The following CYP4V2 variants were observed in gnomAD, a reference collection of about 807,000 sequenced individuals.
CYP4V2 encodes the protein cytochrome P450 family 4 subfamily V member 2.
A neutral mutation model predicts 60.8 loss-of-function variants in CYP4V2; 55 were observed. The ratio of observed to expected loss-of-function variants is 0.90; its 90% CI spans 0.73 to 1.13. The LOEUF (loss-of-function observed/expected upper bound fraction) is 1.13. Among genes scored for constraint, CYP4V2 ranks in the 50% most tolerant of loss-of-function variants. The probability of loss-of-function intolerance (pLI) is 0.00; values close to 1 mark genes in which losing one functional copy is unlikely to be tolerated. For missense variants in CYP4V2, 675 were observed against 662.9 expected, an observed-to-expected ratio of 1.02 and a Z score of -0.20; for synonymous variants, 239 against 236.8, an observed-to-expected ratio of 1.01 and a Z score of -0.08.
rs538822435 is a variant in CYP4V2, at chr4:186,195,659, C to G, written c.328-344C>G. Among the ~76,000 whole-genome samples, 12 of 152,244 alleles carry G rather than the reference C, an allele frequency of 7.9e-5. No homozygotes were observed. Among genetic ancestry groups the G allele is most frequent in the Admixed American group, 4.6e-4 (7 of 15,296 alleles). On this transcript the variant is annotated intron_variant, in intron 2 of 10. Coordinates refer to ENST00000378802, the MANE Select transcript of CYP4V2 (RefSeq NM_207352.4). The surrounding 1 kb of genome is among the most constrained non-coding windows in gnomAD (Gnocchi z 4.1). ...CTGAAAATACACCTATGATTTCCAT[C>G]TCCCCACATGTGCCCACCCTCCAGA...
chr4:186,191,687 G>A lies in CYP4V2; in HGVS notation c.-137G>A. ...CCCGGGCGGGAAACGTCGTTCCGGG[G>A]ACCGGGCGACCCCGCAGCGGGGAGC... On this transcript the variant is annotated 5_prime_UTR_variant, in exon 1 of 11. Transcript: ENST00000378802. 1 of 809,024 alleles carries A rather than the reference G, an allele frequency of 1.2e-6. No individual in the cohort carries two copies. The highest frequency in any genetic ancestry group is 1.6e-6 in the Non-Finnish European group (1 of 609,196). The allele number at this position is 809,024 out of a possible 1,614,324, so 50.1% of individuals were successfully genotyped here.
chr4:186,204,945 AAC>A (rs1736452198), intron 7 of CYP4V2: 1 of 526,940 alleles, frequency 1.9e-6, no homozygotes, highest in Non-Finnish European at 3.4e-6. Context: ...CGCCTTTATT[AAC>A]ACAGCACAGG....
intron 8 of CYP4V2, among the ~76,000 whole-genome samples, chr4:186,207,588 T>G (rs1736562228): frequency 1.7e-5 from 1 of 58,340 alleles, no homozygotes; most frequent in Admixed American, 1.8e-4. Context: ...AATTAATAAT[T>G]AATACTTTGC....
chr4:186,197,322 A>C (rs1347010663), intron 4 of CYP4V2, 192 bp downstream of exon 4: 1 of 854,392 alleles, frequency 1.2e-6, no homozygotes, highest in Non-Finnish European at 1.9e-6. Flanking sequence ...GCAGGCATGG[A>C]GCAACTGCCC....
intron 7 of CYP4V2, chr4:186,204,767 G>T (rs944775049): frequency 1.4e-5 from 4 of 287,472 alleles, no homozygotes; most frequent in Non-Finnish European, 2.7e-5. Context: ...TACTGCAGAG[G>T]ATATGACTTA....
chr4:186,203,141 C>T (rs1736374131), intron 7 of CYP4V2: 1 of 144,956 alleles, frequency 6.9e-6, no homozygotes, highest in Non-Finnish European at 1.5e-5. Context: ...AATACATGTA[C>T]ATATCCACGT....
intron 6 of CYP4V2, among the ~76,000 whole-genome samples, chr4:186,199,632 C>T (rs561650486): frequency 1.3e-5 from 2 of 152,208 alleles, no homozygotes; most frequent in East Asian, 1.9e-4. Flanking sequence ...TGTTTGGATT[C>T]GGCAGTCATT....
intron 8 of CYP4V2, among the ~76,000 whole-genome samples, chr4:186,208,083 A>G (rs1407549492): frequency 3.3e-3 from 325 of 99,838 alleles, no homozygotes; most frequent in Middle Eastern, 0.019. Context: ...TATTTGATGG[A>G]TATTTAGCAT....
At position 186,212,325 on chromosome 4, in the gene CYP4V2, T is replaced by C. The variant is rs1579980067; in HGVS notation, c.*1684T>C. On this transcript the variant is annotated 3_prime_UTR_variant, in exon 11 of 11. Coordinates refer to ENST00000378802, the MANE Select transcript of CYP4V2 (RefSeq NM_207352.4). ...AAAAAGGAAGCCATTCATCTATATT[T>C]AGTAACCCAGTAATATCTCACTTAG... 1 of 152,338 alleles carries C rather than the reference T, an allele frequency of 6.6e-6. No homozygotes were observed. The highest frequency in any genetic ancestry group is 1.5e-5 in the Non-Finnish European group (1 of 68,022). 9.4% of individuals were successfully genotyped at this position (152,338 alleles called of 1,614,324 possible). A position where few individuals can be genotyped will look rare whatever the true frequency, so the allele number is the denominator to read the frequency against.
intron 5 of CYP4V2, among the ~76,000 whole-genome samples, chr4:186,198,231 G>A (rs1396869159): frequency 2.0e-5 from 3 of 152,234 alleles, no homozygotes; most frequent in Non-Finnish European, 4.4e-5. Flanking sequence ...TTAGGCATCT[G>A]TGATTTTCCA....
chr4:186,191,756 C>A lies in CYP4V2; in HGVS notation c.-68C>A, dbSNP rs568522091. The A allele has an allele frequency of 4.4e-5, 58 of 1,331,198 alleles. No homozygotes were observed. The African/African-American group carries it at 8.1e-4, about 18-fold the overall frequency. 82.5% of individuals were successfully genotyped at this position (1,331,198 alleles called of 1,614,324 possible). Reference sequence around the variant, plus strand: ...GAAGTGGGCGGTGTGCGGCCGGCACCGCCTCGCACCACGCCCCCGCGGGCC... The same window carrying A: ...GAAGTGGGCGGTGTGCGGCCGGCACAGCCTCGCACCACGCCCCCGCGGGCC... On this transcript the variant is annotated 5_prime_UTR_variant, in exon 1 of 11. Transcript: ENST00000378802.
intron 1 of CYP4V2, 64 bp downstream of exon 1, chr4:186,192,101 A>T: frequency 3.3e-6 from 5 of 1,523,092 alleles, no homozygotes; most frequent in Non-Finnish European, 4.4e-6. Flanking sequence ...CCCTCCGATC[A>T]GCCAGGAACC....
At chr4:186,197,359 G>A in intron 4 of CYP4V2, 174 bp from the exon 5 acceptor site, 6 of 852,804 alleles carry the variant, frequency 7.0e-6, no homozygotes, top group South Asian at 1.5e-5. Context: ...GGAAGAACAG[G>A]AACAGGGAGT....
chr4:186,192,592 G>A (rs1388077427), intron 1 of CYP4V2, among the ~76,000 whole-genome samples: 1 of 152,172 alleles, frequency 6.6e-6, no homozygotes, highest in Non-Finnish European at 1.5e-5. Context: ...GGGCCTTCAG[G>A]CAGACTTCTT....
In CYP4V2 at chr4:186,197,064, C is replaced by T. The variant is rs1736169852; in HGVS notation, c.538C>T (p.His180Tyr). 1.9e-6 allele frequency: 3 copies of T among 1,613,726 alleles called. No homozygotes were observed. The highest frequency in any genetic ancestry group is 2.5e-6 in the Non-Finnish European group (3 of 1,179,936). Residue 180 changes from histidine to tyrosine, a missense_variant, in exon 4 of 11, where the codon CAC becomes TAC. His to Tyr is a moderately conservative substitution (Grantham distance 83). Coordinates refer to ENST00000378802, the MANE Select transcript of CYP4V2 (RefSeq NM_207352.4). The stretch of plus-strand genomic sequence containing the variant: ...TATATTGGTTAAGAAACTTGAAAAA[C>T]ACATTAACCAAGAAGCATTTAACTG... ...ANILVKKLEKHINQEAFNCFF... is the reference protein window; with the variant it reads ...ANILVKKLEKYINQEAFNCFF...
At chr4:186,199,586 G>C (rs1484446984) in intron 6 of CYP4V2, among the ~76,000 whole-genome samples, 1 of 152,170 alleles carries the variant, frequency 6.6e-6, no homozygotes, top group Non-Finnish European at 1.5e-5. Flanking sequence ...AAAGAATAAA[G>C]GAACAAAGAT....
At chr4:186,204,230 T>C (rs1736411758) in intron 7 of CYP4V2, 1 of 174,906 alleles carries the variant, frequency 5.7e-6, no homozygotes, top group South Asian at 7.5e-5. Context: ...GACGTTACGC[T>C]GGCGTAAGAG....
At chr4:186,198,369 C>T (rs1736215894) in intron 5 of CYP4V2, among the ~76,000 whole-genome samples, 1 of 152,116 alleles carries the variant, frequency 6.6e-6, no homozygotes, top group Admixed American at 6.6e-5. Flanking sequence ...AAATTGATAC[C>T]AGAGAGCAAA....
Position 186,210,333 on chromosome 4 carries a change from T to C in CYP4V2, c.1406-136T>C, listed in dbSNP as rs555833349. On this transcript the variant is annotated intron_variant, in intron 10 of 10. Transcript: ENST00000378802. ...CTCAAGACTCTTCATCTTTAACAGG[T>C]GTTCCAAGCCATTCTGGTTCTCCTT... 109 of 1,025,634 alleles carry C rather than the reference T, an allele frequency of 1.1e-4. No individual in the cohort carries two copies. The African/African-American group carries it at 1.6e-3, about 15-fold the overall frequency. The allele number at this position is 1,025,634 out of a possible 1,614,324, so 63.5% of individuals were successfully genotyped here. A position where few individuals can be genotyped will look rare whatever the true frequency, so the allele number is the denominator to read the frequency against.
Sources: allele counts gnomAD v4.1 joint callset (sites outside exome capture counted in the v4.1 genomes callset), GRCh38; gene constraint gnomAD v4.1.1; non-coding constraint Gnocchi (gnomAD v3.1); transcripts MANE v1.5; gene names NCBI Gene and HGNC (gene_info 2026-07-23, HGNC 2026-07-21).